KIF5A: variants seen among roughly 807,000 people sequenced by gnomAD.
The protein encoded by KIF5A is kinesin family member 5A.
A neutral mutation model predicts 141.3 loss-of-function variants in KIF5A; 35 were observed. That is an observed-to-expected ratio of 0.25 (90% CI 0.19 to 0.33). KIF5A has a LOEUF of 0.33. Among genes scored for constraint, KIF5A ranks in the 10% least tolerant of loss-of-function variants. The pLI is 1.00. For missense variants in KIF5A, 861 were observed against 1,314.3 expected, an observed-to-expected ratio of 0.66 and a Z score of 5.33; for synonymous variants, 448 against 500.2, an observed-to-expected ratio of 0.90 and a Z score of 1.39.
At chr12:57,576,223 G>A (rs1490402430) in intron 18 of KIF5A, 46 bp from the exon 19 acceptor site, 5 of 1,610,520 alleles carry the variant, frequency 3.1e-6, no homozygotes, top group Non-Finnish European at 4.2e-6. Context: ...CACAGAGCTT[G>A]TTGCTGGGAG....
At chr12:57,581,770 G>A in intron 25 of KIF5A, 100 bp from the exon 26 acceptor site, 1 of 1,292,772 alleles carries the variant, frequency 7.7e-7, no homozygotes, top group Non-Finnish European at 1.1e-6. Flanking sequence ...GGATGGGGAG[G>A]GCTGAGCAGC....
rs1333515099 is a variant in KIF5A at position 57,558,837 on chromosome 12, G to A, written c.130-4602G>A. On this transcript the variant is annotated intron_variant, in intron 1 of 28. Transcript: ENST00000455537. ...GTTGCTCAGGCTGGAGTGCAGTGGT[G>A]CAATCATGGCTCACTGCAACCTTCA... Among the ~76,000 whole-genome samples the A allele has an allele frequency of 2.0e-5, 3 of 152,254 alleles. No individual in the cohort carries two copies. In the South Asian group the frequency reaches 6.2e-4, roughly 32 times the overall value.
chr12:57,563,254 C>T (rs1019811271), intron 1 of KIF5A, among the ~76,000 whole-genome samples, 185 bp from the exon 2 acceptor site: 3 of 152,078 alleles, frequency 2.0e-5, no homozygotes, highest in Non-Finnish European at 4.4e-5. Flanking sequence ...ATCCGCCTGC[C>T]TCAGCCTCTT....
At chr12:57,579,320 G>T (rs1476673250) in intron 23 of KIF5A, among the ~76,000 whole-genome samples, 1 of 152,102 alleles carries the variant, frequency 6.6e-6, no homozygotes, top group Admixed American at 6.6e-5. Flanking sequence ...TTGAAGACAG[G>T]CTCGGCAGGC....
intron 16 of KIF5A, 67 bp from the exon 17 acceptor site, chr12:57,575,573 G>T: frequency 4.6e-6 from 6 of 1,303,276 alleles, no homozygotes; most frequent in Non-Finnish European, 1.1e-6. Context: ...TGGAGTTGGA[G>T]ATCTGTGTGG....
At position 57,586,429 on chromosome 12, in the gene KIF5A, ATCC is replaced by A. The variant is rs1337943877; in HGVS notation, c.*2262_*2264del. On this transcript the variant is annotated 3_prime_UTR_variant, in exon 29 of 29. Coordinates refer to ENST00000455537, the MANE Select transcript of KIF5A (RefSeq NM_004984.4). ...CCCTTCACCAGAAGCTTCACACTACATCCTCCTCCTCCTCCTGCTCCCCACCTT... is the reference window on the plus strand; with the variant it reads ...CCCTTCACCAGAAGCTTCACACTACATCCTCCTCCTCCTGCTCCCCACCTT... 2 of 152,160 alleles carry A rather than the reference ATCC, an allele frequency of 1.3e-5. No homozygotes were observed. The highest frequency in any genetic ancestry group is 2.9e-5 in the Non-Finnish European group (2 of 67,962). 9.4% of individuals were successfully genotyped at this position (152,160 alleles called of 1,614,324 possible).
intron 1 of KIF5A, among the ~76,000 whole-genome samples, chr12:57,555,908 C>CAAA (rs763843453): frequency 1.1e-4 from 10 of 92,278 alleles, no homozygotes; most frequent in South Asian, 3.3e-4. Context: ...AACTCTATCT[C>CAAA]AAAAAAAAAA....
Position 57,581,499 on chromosome 12 carries a change from C to T in KIF5A, c.2840C>T (p.Thr947Ile), listed in dbSNP as rs1478755471. The T allele has an allele frequency of 6.2e-7, 1 of 1,614,024 alleles. No homozygotes were observed. Among genetic ancestry groups the T allele is most frequent in the African/African-American group, 1.3e-5 (1 of 74,906 alleles). The change falls in exon 25 of 29, where the codon ACC (threonine) becomes ATC (isoleucine). Residue 947 changes from threonine (T) to isoleucine (I), a missense_variant. Physicochemically the swap from Thr to Ile is moderately conservative, Grantham distance 89 (BLOSUM62 -1). Coordinates refer to ENST00000455537, the MANE Select transcript of KIF5A (RefSeq NM_004984.4). ...GTRSPECISYTNSLFQNYQNL... is the reference protein window; with the variant it reads ...GTRSPECISYINSLFQNYQNL... The stretch of plus-strand genomic sequence containing the variant: ...CGGAGCCCTGAGTGCATCAGTTACA[C>T]CAACAGCCTCTTCCAGAACTACCAG...
Position 57,584,210 on chromosome 12 carries a change from T to C in KIF5A, c.*37-8T>C, listed in dbSNP as rs1882690860. 6.6e-6 allele frequency: 1 copy of C among 152,618 alleles called. No homozygotes were observed. The allele number at this position is 152,618 out of a possible 1,614,324, so 9.5% of individuals were successfully genotyped here. On this transcript the variant is annotated splice_polypyrimidine_tract_variant and splice_region_variant and intron_variant, in intron 28 of 28. Transcript: ENST00000455537. The stretch of plus-strand genomic sequence containing the variant: ...GGCCCTCACACCCTCTTTCTCTTTC[T>C]TTCCCAGTTTCTAAGAGGGACTGAG...
chr12:57,576,789 G>T lies in KIF5A; in HGVS notation c.2227G>T (p.Glu743Ter). 1 of 1,613,842 alleles carries T rather than the reference G, an allele frequency of 6.2e-7. No homozygotes were observed. The highest frequency in any genetic ancestry group is 1.1e-5 in the South Asian group (1 of 91,022). ...DLNQKLQLEL[E>*]KLQADYEKLK... is the part of the protein sequence containing the mutation. Reference sequence around the variant, plus strand: ...AAATCAGAAGCTCCAGTTAGAGCTAGAGAAGCTTCAGGCTGACTACGAGAA... The same window carrying T: ...AAATCAGAAGCTCCAGTTAGAGCTATAGAAGCTTCAGGCTGACTACGAGAA... Residue 743 changes from glutamate to a stop codon, truncating the protein, a stop_gained, in exon 20 of 29, where the codon GAG (glutamate) becomes TAG (stop). Coordinates refer to ENST00000455537, the MANE Select transcript of KIF5A (RefSeq NM_004984.4). LOFTEE classifies it high-confidence loss of function.
chr12:57,576,938 GC>G, intron 20 of KIF5A, 76 bp downstream of exon 20: 1 of 1,076,570 alleles, frequency 9.3e-7, no homozygotes, highest in Admixed American at 1.9e-5. Context: ...GCTTGCAGAG[GC>G]AGGACACACA....
rs1208782937 is a variant in KIF5A, at chr12:57,564,509, G to A, written c.445+1G>A. The A allele has an allele frequency of 6.2e-7, 1 of 1,609,932 alleles. No homozygotes were observed. Among genetic ancestry groups the A allele is most frequent in the Non-Finnish European group, 8.5e-7 (1 of 1,176,290 alleles). On this transcript the variant is annotated splice_donor_variant, in intron 5 of 28. Transcript: ENST00000455537. LOFTEE classifies it high-confidence loss of function. ...GACAAAATTCGTGACCTTCTGGATG[G>A]TGAGTGTTTTGTCCCAGTGGATGAG...
intron 1 of KIF5A, among the ~76,000 whole-genome samples, chr12:57,559,783 A>C (rs986528039): frequency 2.6e-5 from 4 of 152,226 alleles, no homozygotes; most frequent in Non-Finnish European, 5.9e-5. Flanking sequence ...TGAACTTCAT[A>C]TGAAGGGAGT....
At chr12:57,583,392 T>G (rs1237123019) in intron 28 of KIF5A, among the ~76,000 whole-genome samples, 177 bp downstream of exon 28, 1 of 152,192 alleles carries the variant, frequency 6.6e-6, no homozygotes, top group Admixed American at 6.5e-5. Context: ...CTGCCCCATG[T>G]AATCTGGACG....
chr12:57,580,543 GCC>G (rs1225504704), intron 23 of KIF5A, among the ~76,000 whole-genome samples: 1 of 152,010 alleles, frequency 6.6e-6, no homozygotes, highest in Non-Finnish European at 1.5e-5. Context: ...CCCTTTGCAT[GCC>G]CACAAAGCCC....
At chr12:57,575,965 C>A in intron 17 of KIF5A, 122 bp from the exon 18 acceptor site, 1 of 1,021,980 alleles carries the variant, frequency 9.8e-7, no homozygotes, top group Non-Finnish European at 1.6e-6. Flanking sequence ...TTGGACAGTC[C>A]TAACACAGAA....
intron 15 of KIF5A, among the ~76,000 whole-genome samples, chr12:57,573,794 C>T (rs1257745012): frequency 1.4e-5 from 2 of 146,076 alleles, no homozygotes; most frequent in African/African-American, 5.1e-5. Flanking sequence ...CACCATTGCA[C>T]TCCAGCCTGG....
At position 57,577,991 on chromosome 12, in the gene KIF5A, T is replaced by C; in HGVS notation, c.2362-18T>C. 4 of 1,610,446 alleles carry C rather than the reference T, an allele frequency of 2.5e-6. No individual in the cohort carries two copies. The highest frequency in any genetic ancestry group is 3.4e-6 in the Non-Finnish European group (4 of 1,176,638). On this transcript the variant is annotated intron_variant, in intron 21 of 28. Coordinates refer to ENST00000455537, the MANE Select transcript of KIF5A (RefSeq NM_004984.4). ...ACCTGGTATCTGGCTATTCCCAATT[T>C]TTCATCATTCTTTCCAGGCCCGGGA... is the stretch of plus-strand genomic sequence containing the variant.
Position 57,550,355 on chromosome 12 carries a change from C to T in KIF5A, c.84C>T (p.Asp28=). The part of the protein sequence containing the change: ...PLNQAEILRG[D]KFIPIFQGDD... ...ACCAGGCTGAGATTCTGCGGGGAGA[C>T]AAGTTCATCCCCATTTTCCAAGGGG... Residue 28 remains aspartate, a synonymous_variant, in exon 1 of 29, where the codon GAC becomes GAT. Transcript: ENST00000455537. The surrounding 1 kb of genome is among the most constrained non-coding windows in gnomAD (Gnocchi z 4.6). 1 of 1,614,172 alleles carries T rather than the reference C, an allele frequency of 6.2e-7. No homozygotes were observed. Among genetic ancestry groups the T allele is most frequent in the Non-Finnish European group, 8.5e-7 (1 of 1,179,998 alleles).
Sources: gnomAD v4.1 joint callset for allele counts (sites outside exome capture counted in the v4.1 genomes callset) on GRCh38, gnomAD v4.1.1 for gene constraint, Gnocchi (gnomAD v3.1) non-coding constraint, MANE v1.5 for transcripts, NCBI Gene and HGNC (gene_info 2026-07-23, HGNC 2026-07-21) for gene names.